The following TRAPPC13 variants were observed in gnomAD, a reference collection of about 807,000 sequenced individuals.
TRAPPC13 encodes trafficking protein particle complex subunit 13.
Under a neutral mutation model 54.0 loss-of-function variants are expected in TRAPPC13, and 39 were observed. That is an observed-to-expected ratio of 0.72 (90% CI 0.56 to 0.94). The LOEUF (loss-of-function observed/expected upper bound fraction) is 0.94, where lower values mean the gene tolerates loss of function less well. Ranked by LOEUF, TRAPPC13 falls within the 40% of genes least tolerant of loss-of-function variation. TRAPPC13 has a pLI of 0.00. For synonymous variants in TRAPPC13, 148 were observed against 167.7 expected, an observed-to-expected ratio of 0.88 and a Z score of 0.91; for missense variants, 386 against 488.1, an observed-to-expected ratio of 0.79 and a Z score of 1.97.
At chr5:65,641,364 A>G (rs1399180551) in intron 4 of TRAPPC13, among the ~76,000 whole-genome samples, 1 of 152,156 alleles carries the variant, frequency 6.6e-6, no homozygotes, top group Non-Finnish European at 1.5e-5. Flanking sequence ...TGGTTGCTTA[A>G]TAAAAGATTT....
At chr5:65,630,215 C>G in intron 1 of TRAPPC13, 1 of 1,535,842 alleles carries the variant, frequency 6.5e-7, no homozygotes, top group South Asian at 1.2e-5. Context: ...GCATTTAGGC[C>G]AAATATGGGT....
At chr5:65,658,159 T>A (rs1674410590) in intron 8 of TRAPPC13, 3 of 425,788 alleles carry the variant, frequency 7.0e-6, no homozygotes. Flanking sequence ...TGACAAGGTA[T>A]CAGTTGACTA....
At position 65,626,777 on chromosome 5, in the gene TRAPPC13, G is replaced by A. The variant is rs963730856; in HGVS notation, c.46+1671G>A. ...AAAAGTTAAATTCCAGTGATACAGA[G>A]ACTGCCACTGGGAATTTTTAGTTTT... On this transcript the variant is annotated intron_variant, in intron 1 of 12. Transcript: ENST00000399438. 1.6e-4 allele frequency among the ~76,000 whole-genome samples: 24 copies of A among 151,740 alleles called. 1 individual carries two copies. The highest frequency in any genetic ancestry group is 1.5e-5 in the Non-Finnish European group (1 of 67,948).
rs748632343 is a variant in TRAPPC13, at chr5:65,658,488, CA to C, written c.687del (p.Ala230LeufsTer26). The C allele has an allele frequency of 6.4e-7, 1 of 1,567,332 alleles. No homozygotes were observed. The highest frequency in any genetic ancestry group is 8.7e-7 in the Non-Finnish European group (1 of 1,154,632). On this transcript the variant is annotated frameshift_variant, in exon 9 of 13. Transcript: ENST00000399438. LOFTEE classifies it high-confidence loss of function. ...TGTAACAGAATTAAATTCAGTCAGC[CA>C]AGCTGGAGAATGGTAAATATTAATT... is the stretch of plus-strand genomic sequence containing the variant. The part of the protein sequence containing the change: ...YNVTELNSVS[Q>X]AGECVSTFGS...
chr5:65,625,070 A>C lies in TRAPPC13; in HGVS notation c.10A>C (p.Asn4His), dbSNP rs1344270461. The C allele has an allele frequency of 6.2e-7, 1 of 1,613,636 alleles. No individual in the cohort carries two copies. Among genetic ancestry groups the C allele is most frequent in the African/African-American group, 1.3e-5 (1 of 74,890 alleles). Residue 4 changes from asparagine (N) to histidine (H), a missense_variant, in exon 1 of 13, where the codon AAT becomes CAT. Physicochemically the swap from Asn to His is moderately conservative, Grantham distance 68 (BLOSUM62 1). Transcript: ENST00000399438. ...AAAAGTGCCGGTCAAAATGGAAGTG[A>C]ATCCCCCTAAACAGGAGCACCTGCT... MEVNPPKQEHLLAL... is the reference protein window; with the variant it reads MEVHPPKQEHLLAL...
rs1755705630 is a variant in TRAPPC13 at position 65,635,281 on chromosome 5, T to C, written c.47-20T>C. On this transcript the variant is annotated intron_variant, in intron 1 of 12. Coordinates refer to ENST00000399438, the MANE Select transcript of TRAPPC13 (RefSeq NM_024941.4). ...AAGCAGTATTAATGTTTTGTTTTCT[T>C]TTACTTTTTTACTTCACAGTGATGC... is the stretch of plus-strand genomic sequence containing the variant. 2 of 1,609,628 alleles carry C rather than the reference T, an allele frequency of 1.2e-6. No homozygotes were observed. Among genetic ancestry groups the C allele is most frequent in the East Asian group, 4.5e-5 (2 of 44,814 alleles).
At position 65,635,379 on chromosome 5, in the gene TRAPPC13, A is replaced by G; in HGVS notation, c.115+10A>G. 2 of 1,610,404 alleles carry G rather than the reference A, an allele frequency of 1.2e-6. No individual in the cohort carries two copies. The highest frequency in any genetic ancestry group is 1.7e-6 in the Non-Finnish European group (2 of 1,177,060). ...GAGAAAGACTTACCTGGTATGGCAC[A>G]TGCTTTCCTCTATTTGCACCTAGGG... is the stretch of plus-strand genomic sequence containing the variant. On this transcript the variant is annotated intron_variant, in intron 2 of 12. Coordinates refer to ENST00000399438, the MANE Select transcript of TRAPPC13 (RefSeq NM_024941.4).
At position 65,652,550 on chromosome 5, in the gene TRAPPC13, G is replaced by C; in HGVS notation, c.546+5G>C. On this transcript the variant is annotated splice_donor_5th_base_variant and intron_variant, in intron 7 of 12. Coordinates refer to ENST00000399438, the MANE Select transcript of TRAPPC13 (RefSeq NM_024941.4). ...ACCAAATTTTACAATGCAGAGGTAAGTGTTGAGTGTTTAATGGGATTTCAT... is the reference window on the plus strand; with the variant it reads ...ACCAAATTTTACAATGCAGAGGTAACTGTTGAGTGTTTAATGGGATTTCAT... The C allele has an allele frequency of 6.3e-7, 1 of 1,599,328 alleles. No individual in the cohort carries two copies. Among genetic ancestry groups the C allele is most frequent in the Non-Finnish European group, 8.6e-7 (1 of 1,167,278 alleles).
At chr5:65,659,690 A>T (rs1051257753) in intron 9 of TRAPPC13, among the ~76,000 whole-genome samples, 2 of 152,236 alleles carry the variant, frequency 1.3e-5, no homozygotes, top group Non-Finnish European at 2.9e-5. Context: ...TAATACAGAT[A>T]AGAAAGTAAT....
chr5:65,627,131 CAAAAAA>C (rs60169195), intron 1 of TRAPPC13, among the ~76,000 whole-genome samples: 10 of 32,580 alleles, frequency 3.1e-4, no homozygotes, highest in East Asian at 1.6e-3. Context: ...GACCCTGTCT[CAAAAAA>C]AAAAAAAAAA....
chr5:65,649,452 G>T (rs1428224570), intron 5 of TRAPPC13, among the ~76,000 whole-genome samples: 2 of 151,998 alleles, frequency 1.3e-5, no homozygotes, highest in African/African-American at 4.8e-5. Flanking sequence ...CCACTAGCAG[G>T]GTAGAAAGAC....
chr5:65,637,843 G>T, intron 4 of TRAPPC13, 63 bp downstream of exon 4: 2 of 934,808 alleles, frequency 2.1e-6, no homozygotes, highest in South Asian at 1.5e-5. Flanking sequence ...TTTAGGCCGG[G>T]CATGGTGGCT....
At chr5:65,659,493 G>A (rs149098228) in intron 9 of TRAPPC13, among the ~76,000 whole-genome samples, 5 of 152,234 alleles carry the variant, frequency 3.3e-5, no homozygotes, top group African/African-American at 1.2e-4. Flanking sequence ...ATAAAATGGA[G>A]GAATGTGAAG....
At chr5:65,650,985 G>A in intron 6 of TRAPPC13, 103 bp downstream of exon 6, 1 of 794,652 alleles carries the variant, frequency 1.3e-6, no homozygotes, top group Non-Finnish European at 2.1e-6. Flanking sequence ...TCCAAATAAA[G>A]CAAATAGCTC....
intron 1 of TRAPPC13, among the ~76,000 whole-genome samples, chr5:65,632,322 C>A (rs896521808): frequency 2.0e-5 from 3 of 152,020 alleles, no homozygotes; most frequent in African/African-American, 7.3e-5. Context: ...TTCAGGGCAC[C>A]TTTTTATCTG....
In TRAPPC13 at chr5:65,645,306, G is replaced by T. The variant is rs191028053; in HGVS notation, c.301-1749G>T. Among the ~76,000 whole-genome samples the T allele has an allele frequency of 4.8e-4, 73 of 152,042 alleles. No homozygotes were observed. The East Asian group carries it at 0.012, about 25-fold the overall frequency. On this transcript the variant is annotated intron_variant, in intron 4 of 12. Transcript: ENST00000399438. ...GCCTTGGTTTCATTGTCTGTGGTCT[G>T]TGAAATGGGGATAATACTAATACCT...
intron 1 of TRAPPC13, chr5:65,629,576 G>T: frequency 6.6e-7 from 1 of 1,513,506 alleles, no homozygotes; most frequent in Non-Finnish European, 8.8e-7. Context: ...AGAGTAACTG[G>T]ATTACTGCAG....
At position 65,635,334 on chromosome 5, in the gene TRAPPC13, A is replaced by G; in HGVS notation, c.80A>G (p.Asn27Ser). The G allele has an allele frequency of 6.2e-7, 1 of 1,613,666 alleles. No homozygotes were observed. The highest frequency in any genetic ancestry group is 8.5e-7 in the Non-Finnish European group (1 of 1,179,706). The change falls in exon 2 of 13, where the codon AAT becomes AGT. Residue 27 changes from asparagine (N) to serine (S), a missense_variant. Transcript: ENST00000399438. Reference protein sequence around the residue: ...MRLTKPTLFTNIPVTCEEKDL... With the variant: ...MRLTKPTLFTSIPVTCEEKDL... ...CTGACTAAGCCTACTTTATTCACCA[A>G]TATCCCAGTAACATGTGAAGAGAAA...
At chr5:65,633,977 GTTTTTTTT>G (rs67982454) in intron 1 of TRAPPC13, among the ~76,000 whole-genome samples, 1 of 60,450 alleles carries the variant, frequency 1.7e-5, no homozygotes, top group Non-Finnish European at 2.8e-5. Context: ...CTCTCCCAGC[GTTTTTTTT>G]TTTTTTTTTT....
Sources: gnomAD v4.1 joint callset for allele counts (sites outside exome capture counted in the v4.1 genomes callset) on GRCh38, gnomAD v4.1.1 for gene constraint, MANE v1.5 for transcripts, NCBI Gene and HGNC (gene_info 2026-07-23, HGNC 2026-07-21) for gene names.